The following LTBP2 variants were observed in gnomAD, a reference collection of about 807,000 sequenced individuals.
LTBP2 encodes latent transforming growth factor beta binding protein 2, also known as latent-transforming growth factor beta-binding protein 2.
In LTBP2, 103 loss-of-function variants were observed where a neutral mutation model predicts 210.6. That is an observed-to-expected ratio of 0.49 (90% confidence interval 0.42 to 0.58). The LOEUF (loss-of-function observed/expected upper bound fraction) is 0.58, where lower values mean the gene tolerates loss of function less well. LTBP2 is among the 20% of genes least tolerant of loss of function. The probability of loss-of-function intolerance (pLI) is 0.00; values close to 1 mark genes in which losing one functional copy is unlikely to be tolerated. For synonymous variants in LTBP2, 1,007 were observed against 1,015.0 expected (o/e 0.99, Z 0.15); for missense variants, 2,313 against 2,494.5 (o/e 0.93, Z 1.55).
rs925483356 is a variant in LTBP2, at chr14:74,528,654, C to T, written c.2197G>A (p.Ala733Thr). ...ATGGACAGGCGGATGTCGGAGCTCG[C>T]GTAGGTGTAGCCGTGGCCGGCAGGG... ...ICPAGHGYTY[A>T]SSDIRLSMRK... The change falls in exon 12 of 36, where the codon GCG becomes ACG. Residue 733 changes from alanine to threonine, a missense_variant. Transcript: ENST00000261978. 9.3e-6 allele frequency: 15 copies of T among 1,613,096 alleles called. No individual in the cohort carries two copies. The highest frequency in any genetic ancestry group is 6.7e-5 in the African/African-American group (5 of 74,944).
intron 2 of LTBP2, among the ~76,000 whole-genome samples, chr14:74,599,058 G>C (rs536413639): frequency 8.5e-4 from 129 of 152,304 alleles, no homozygotes; most frequent in African/African-American, 3.0e-3. Context: ...AATGGTACCT[G>C]GTGCACAGTA....
At chr14:74,552,808 GCT>G in intron 5 of LTBP2, 82 bp downstream of exon 5, 1 of 1,507,736 alleles carries the variant, frequency 6.6e-7, no homozygotes, top group Non-Finnish European at 9.0e-7. Flanking sequence ...GGAGCAGCGG[GCT>G]CCAGTCCAAG....
At chr14:74,525,009 C>G in intron 15 of LTBP2, 115 bp downstream of exon 15, 1 of 519,918 alleles carries the variant, frequency 1.9e-6, no homozygotes, top group Non-Finnish European at 3.3e-6. Context: ...GGGACTTTAC[C>G]TAGTTGGAAA....
At chr14:74,591,836 T>A (rs542860148) in intron 2 of LTBP2, among the ~76,000 whole-genome samples, 1 of 152,380 alleles carries the variant, frequency 6.6e-6, no homozygotes, top group African/African-American at 2.4e-5. Flanking sequence ...TCCTGGGTTG[T>A]TTCTTTTTCA....
chr14:74,507,405 A>G (rs2087005877), intron 25 of LTBP2, 95 bp from the exon 26 acceptor site: 1 of 1,548,394 alleles, frequency 6.5e-7, no homozygotes, highest in Non-Finnish European at 8.9e-7. Context: ...GGGGTTCTTG[A>G]TCTATTCCAA....
intron 8 of LTBP2, among the ~76,000 whole-genome samples, chr14:74,546,472 G>A (rs926213592): frequency 1.3e-5 from 2 of 152,156 alleles, no homozygotes; most frequent in African/African-American, 4.8e-5. Context: ...TCTATACAAC[G>A]CCCAACTGCA....
At chr14:74,599,422 G>T (rs1023314143) in intron 2 of LTBP2, among the ~76,000 whole-genome samples, 6 of 152,218 alleles carry the variant, frequency 3.9e-5, no homozygotes, top group African/African-American at 1.2e-4. Context: ...AGTTGGGGTG[G>T]GGTTGGGCGG....
chr14:74,565,692 A>T (rs994374477), intron 3 of LTBP2, among the ~76,000 whole-genome samples: 1 of 152,120 alleles, frequency 6.6e-6, no homozygotes, highest in Admixed American at 6.5e-5. Context: ...CTGTAGACAC[A>T]GTTGGGGCTG....
chr14:74,521,655 A>G (rs1021711827), intron 17 of LTBP2, among the ~76,000 whole-genome samples: 1 of 151,966 alleles, frequency 6.6e-6, no homozygotes, highest in Non-Finnish European at 1.5e-5. Context: ...ACCCTGTGAC[A>G]CTCTTGGTTC....
chr14:74,532,572 A>C (rs1347692706), intron 9 of LTBP2, 24 bp from the exon 10 acceptor site: 1 of 1,613,474 alleles, frequency 6.2e-7, no homozygotes, highest in Admixed American at 1.7e-5. Flanking sequence ...GGAGATGACC[A>C]AGTGCCCGCC....
chr14:74,517,069 G>A, intron 17 of LTBP2, 128 bp from the exon 18 acceptor site: 1 of 1,246,582 alleles, frequency 8.0e-7, no homozygotes, highest in East Asian at 2.5e-5. Flanking sequence ...GGCAGGGAAG[G>A]CATGCTGGCT....
At chr14:74,549,637 G>T (rs1466236980) in intron 8 of LTBP2, among the ~76,000 whole-genome samples, 4 of 152,210 alleles carry the variant, frequency 2.6e-5, no homozygotes, top group South Asian at 4.1e-4. Context: ...GCAGGCCCTT[G>T]CAGGCAATCA....
intron 9 of LTBP2, 115 bp downstream of exon 9, chr14:74,535,811 G>T: frequency 1.1e-6 from 1 of 900,484 alleles, no homozygotes; most frequent in Non-Finnish European, 1.8e-6. Flanking sequence ...CCCCAAAGCT[G>T]GGGCTTAGAG....
intron 3 of LTBP2, among the ~76,000 whole-genome samples, chr14:74,584,771 C>T (rs1008797578): frequency 2.0e-5 from 3 of 152,070 alleles, no homozygotes; most frequent in Non-Finnish European, 4.4e-5. Context: ...TGACCAGGGC[C>T]CCGGAACCCA....
chr14:74,547,745 G>A (rs2087595676), intron 8 of LTBP2, among the ~76,000 whole-genome samples: 3 of 152,204 alleles, frequency 2.0e-5, no homozygotes, highest in African/African-American at 7.2e-5. Context: ...GGTCAGCGCA[G>A]CAGGTACTGC....
chr14:74,611,228 T>G (rs1291151277), intron 1 of LTBP2, among the ~76,000 whole-genome samples: 4 of 152,174 alleles, frequency 2.6e-5, no homozygotes. Flanking sequence ...CCGGGAGAGT[T>G]GGTAAGAAAG....
Position 74,568,434 on chromosome 14 carries a change from G to A in LTBP2, c.831-12741C>T, listed in dbSNP as rs183862303. On this transcript the variant is annotated intron_variant, in intron 3 of 35. Coordinates refer to ENST00000261978, the MANE Select transcript of LTBP2 (RefSeq NM_000428.3). ...TTCCAGAGGGTGGGAGACATGAGCC[G>A]GAGGAAGGGGTGGGGAGTGCAGAGA... Among the ~76,000 whole-genome samples the A allele has an allele frequency of 6.1e-3, 931 of 152,132 alleles. 5 individuals are homozygous for A. The highest frequency in any genetic ancestry group is 0.017 in the Middle Eastern group (5 of 294).
At chr14:74,556,665 C>T (rs1405305551) in intron 3 of LTBP2, among the ~76,000 whole-genome samples, 4 of 152,156 alleles carry the variant, frequency 2.6e-5, no homozygotes, top group Admixed American at 6.5e-5. Flanking sequence ...TACAGGAGCC[C>T]GCCACCACTC....
chr14:74,574,331 C>T (rs558614995), intron 3 of LTBP2, among the ~76,000 whole-genome samples: 1 of 152,318 alleles, frequency 6.6e-6, no homozygotes, highest in Admixed American at 6.5e-5. Flanking sequence ...TCTAAGCACA[C>T]CACTAAGGCC....
Sources: gnomAD v4.1 joint callset for allele counts (sites outside exome capture counted in the v4.1 genomes callset) on GRCh38, gnomAD v4.1.1 for gene constraint, MANE v1.5 for transcripts, NCBI Gene and HGNC (gene_info 2026-07-23, HGNC 2026-07-21) for gene names.